KDM5D: variants seen among roughly 807,000 people sequenced by gnomAD.
KDM5D encodes lysine-specific demethylase 5D.
In KDM5D, 25 loss-of-function variants were observed where a neutral mutation model predicts 31.9. That is an observed-to-expected ratio of 0.78 (90% CI 0.57 to 1.09). The LOEUF (loss-of-function observed/expected upper bound fraction) is 1.09, where lower values mean the gene tolerates loss of function less well. Among genes scored for constraint, KDM5D ranks in the 50% least tolerant of loss-of-function variants. The pLI, the probability that KDM5D is intolerant of heterozygous loss-of-function variation, is 0.00. For synonymous variants in KDM5D, 146 were observed against 122.3 expected (o/e 1.19, Z -1.28); for missense variants, 366 against 341.6 (o/e 1.07, Z -0.56).
chrY:19,708,458 G>A, intron 21 of KDM5D, 35 bp from the exon 22 acceptor site: 1 of 305,538 alleles, frequency 3.3e-6, no homozygotes, highest in Non-Finnish European at 4.8e-6. Flanking sequence ...TTTAAATTAT[G>A]TCAACAATAT....
chrY:19,710,247 T>C, intron 19 of KDM5D, 129 bp downstream of exon 19: 1 of 374,722 alleles, frequency 2.7e-6, no homozygotes, highest in Non-Finnish European at 3.7e-6. Context: ...TCTCCGCCAC[T>C]TCCAGGAAAG....
At position 19,706,292 on chromosome Y, in the gene KDM5D, C is replaced by A; in HGVS notation, c.4323G>T (p.Arg1441Ser). 2 of 395,999 alleles carry A rather than the reference C, an allele frequency of 5.1e-6. No individual in the cohort carries two copies. The highest frequency in any genetic ancestry group is 7.1e-6 in the Non-Finnish European group (2 of 282,186). ...GSRTRSRALE[R>S]RRRRQKVDQG... ...GATCCACCTTCTGCCGCCGCCGTCG[C>A]CTCTCCAGAGCCCGGCTCCTTGTCC... The change falls in exon 27 of 27, where the codon AGG (arginine) becomes AGT (serine). Residue 1441 changes from arginine to serine, a missense_variant. By Grantham distance (110) the Arg-to-Ser change is moderately radical. Transcript: ENST00000317961.
chrY:19,721,315 T>C lies in KDM5D; in HGVS notation c.1372-4A>G. 2.5e-6 allele frequency: 1 copy of C among 394,751 alleles called. No individual in the cohort carries two copies. On this transcript the variant is annotated splice_region_variant and splice_polypyrimidine_tract_variant and intron_variant, in intron 11 of 26. Coordinates refer to ENST00000317961, the MANE Select transcript of KDM5D (RefSeq NM_004653.5). ...TCCAACCACTGGTCGCATACTCCTGTTGGGTCAGAGATTTGCCAGAGTGAG... is the reference window on the plus strand; with the variant it reads ...TCCAACCACTGGTCGCATACTCCTGCTGGGTCAGAGATTTGCCAGAGTGAG...
chrY:19,709,459 C>T lies in KDM5D; in HGVS notation c.2934G>A (p.Leu978=). ...ERWEEKAHFC[L]EARQKHPPAT... is the part of the protein sequence containing the mutation. Reference sequence around the variant, plus strand: ...GAGAGACTACGCCCCACCTGGCCTCCAGGCAGAAATGAGCCTTTTCTTCCC... The same window carrying T: ...GAGAGACTACGCCCCACCTGGCCTCTAGGCAGAAATGAGCCTTTTCTTCCC... Residue 978 remains leucine, a synonymous_variant, in exon 20 of 27, where the codon CTG becomes CTA. Coordinates refer to ENST00000317961, the MANE Select transcript of KDM5D (RefSeq NM_004653.5). 1 of 398,848 alleles carries T rather than the reference C, an allele frequency of 2.5e-6. No individual in the cohort carries two copies. The highest frequency in any genetic ancestry group is 3.5e-6 in the Non-Finnish European group (1 of 283,459).
intron 18 of KDM5D, among the ~76,000 whole-genome samples, chrY:19,712,017 T>C: frequency 2.9e-5 from 1 of 33,913 alleles, no homozygotes; most frequent in Non-Finnish European, 7.3e-5. Context: ...TATGTTTTCT[T>C]AAAGTTTTTT....
At chrY:19,709,226 A>C in intron 20 of KDM5D, among the ~76,000 whole-genome samples, 1 of 33,691 alleles carries the variant, frequency 3.0e-5, no homozygotes, top group Non-Finnish European at 7.4e-5. Context: ...CTGAGAACTA[A>C]GTCATCCAAG....
At chrY:19,714,429 T>C (rs542666031) in intron 18 of KDM5D, among the ~76,000 whole-genome samples, 3 of 34,098 alleles carry the variant, frequency 8.8e-5, no homozygotes, top group African/African-American at 3.4e-4. Flanking sequence ...TGTACAGTCA[T>C]GTCCAAGGTC....
At position 19,732,043 on chromosome Y, in the gene KDM5D, T is replaced by C. The variant is rs774199345; in HGVS notation, c.1212+3A>G. 5.0e-6 allele frequency: 2 copies of C among 398,205 alleles called. No homozygotes were observed. Among genetic ancestry groups the C allele is most frequent in the Admixed American group, 7.4e-5 (1 of 13,495 alleles). On this transcript the variant is annotated splice_donor_region_variant and intron_variant, in intron 10 of 26. Coordinates refer to ENST00000317961, the MANE Select transcript of KDM5D (RefSeq NM_004653.5). The stretch of plus-strand genomic sequence containing the variant: ...CCTATAGTCCAGCCCTCAGATCACA[T>C]ACATGTACAGGCATGTTGAAGTAGT...
Position 19,707,493 on chromosome Y carries a change from G to A in KDM5D, c.3653C>T (p.Pro1218Leu). ...TSPKPSLTSS[P>L]LLAWWEWDTK... ...GTCCCATTCCCACCAGGCTAGCAGT[G>A]GAGATGAAGTGAGACTGGGCTTTGG... The change falls in exon 24 of 27, where the codon CCA (proline) becomes CTA (leucine). Residue 1218 changes from proline to leucine, a missense_variant. Pro to Leu is a moderately conservative substitution (Grantham distance 98). Coordinates refer to ENST00000317961, the MANE Select transcript of KDM5D (RefSeq NM_004653.5). The A allele has an allele frequency of 2.5e-6, 1 of 395,066 alleles. No individual in the cohort carries two copies.
At chrY:19,718,470 T>A in intron 13 of KDM5D, among the ~76,000 whole-genome samples, 1 of 34,420 alleles carries the variant, frequency 2.9e-5, no homozygotes, top group Admixed American at 2.6e-4. Flanking sequence ...ATGATTCCAT[T>A]TATAAGAAAT....
intron 8 of KDM5D, among the ~76,000 whole-genome samples, chrY:19,733,489 TTA>T: frequency 6.3e-5 from 2 of 31,525 alleles, no homozygotes; most frequent in African/African-American, 2.5e-4. Flanking sequence ...CACACACAAA[TTA>T]TATGTGTATA....
chrY:19,716,633 T>C lies in KDM5D; in HGVS notation c.1799A>G (p.Asn600Ser), dbSNP rs2045348952. ...ACAAAAGTTGACAGCTTCAGCAAAA[T>C]TGTAGCCTTGGTTAAAACCACTGTG... ...AYHSGFNQGY[N>S]FAEAVNFCTA... Residue 600 changes from asparagine (N) to serine (S), a missense_variant, in exon 14 of 27, where the codon AAT (asparagine) becomes AGT (serine). By Grantham distance (46) the Asn-to-Ser change is conservative. Transcript: ENST00000317961. 1 of 397,396 alleles carries C rather than the reference T, an allele frequency of 2.5e-6. No individual in the cohort carries two copies.
intron 6 of KDM5D, among the ~76,000 whole-genome samples, chrY:19,738,838 G>C: frequency 5.9e-5 from 2 of 33,986 alleles, no homozygotes; most frequent in Non-Finnish European, 7.3e-5. Flanking sequence ...CTGTAGCCTA[G>C]AGCCTGCCAA....
chrY:19,743,065 A>G, intron 3 of KDM5D, 97 bp downstream of exon 3: 1 of 201,584 alleles, frequency 5.0e-6, no homozygotes, highest in South Asian at 3.9e-5. Context: ...AATTCAATAC[A>G]TTAGATTTCA....
intron 11 of KDM5D, among the ~76,000 whole-genome samples, chrY:19,729,173 C>T (rs1603545950): frequency 6.2e-5 from 2 of 32,362 alleles, no homozygotes; most frequent in Middle Eastern, 0.014. Context: ...GAAGATCATG[C>T]CACTGCACTC....
At position 19,744,704 on chromosome Y, in the gene KDM5D, T is replaced by C. The variant is rs752066323; in HGVS notation, c.-53A>G. 7.2e-6 allele frequency: 1 copy of C among 139,423 alleles called. No individual in the cohort carries two copies. The highest frequency in any genetic ancestry group is 1.2e-4 in the East Asian group (1 of 8,014). 34.8% of individuals were successfully genotyped at this position (139,423 alleles called of 400,897 possible). On this transcript the variant is annotated 5_prime_UTR_variant, in exon 1 of 27. The change abolishes an upstream ATG in the 5' untranslated region. Transcript: ENST00000317961. ...AGGGATCCTAGTTTTACAGCCACCA[T>C]CTTGACCTCCGGGCCCTGCAGTGTG...
chrY:19,736,779 G>A (rs2045514960), intron 6 of KDM5D, among the ~76,000 whole-genome samples: 1 of 32,551 alleles, frequency 3.1e-5, no homozygotes, highest in Non-Finnish European at 7.5e-5. Context: ...AAACAATCCC[G>A]AGTCCAAACC....
At position 19,706,258 on chromosome Y, in the gene KDM5D, T is replaced by C; in HGVS notation, c.4357A>G (p.Asn1453Asp). The C allele has an allele frequency of 2.5e-6, 1 of 396,597 alleles. No individual in the cohort carries two copies. Among genetic ancestry groups the C allele is most frequent in the Non-Finnish European group, 3.5e-6 (1 of 282,581 alleles). ...TCCTGTTGAACAAGATTCTCAACGT[T>C]TCTACCCTGATCCACCTTCTGCCGC... ...RRRQKVDQGRNVENLVQQELQ... is the reference protein window; with the variant it reads ...RRRQKVDQGRDVENLVQQELQ... Residue 1453 changes from asparagine to aspartate, a missense_variant, in exon 27 of 27, where the codon AAC becomes GAC. Coordinates refer to ENST00000317961, the MANE Select transcript of KDM5D (RefSeq NM_004653.5).
chrY:19,710,075 T>C, intron 19 of KDM5D: 2 of 358,405 alleles, frequency 5.6e-6, no homozygotes, highest in South Asian at 6.7e-5. Flanking sequence ...TCTAAGACTC[T>C]GGTGTCTGGA....
Sources: gnomAD v4.1 joint callset for allele counts (sites outside exome capture counted in the v4.1 genomes callset) on GRCh38, gnomAD v4.1.1 for gene constraint, MANE v1.5 for transcripts, NCBI Gene and HGNC (gene_info 2026-07-23, HGNC 2026-07-21) for gene names.